SLC28A1: variants seen among roughly 807,000 people sequenced by gnomAD.
The protein encoded by SLC28A1 is solute carrier family 28 member 1.
In SLC28A1, 64 loss-of-function variants were observed where a neutral mutation model predicts 74.8. That is an observed-to-expected ratio of 0.86 (90% CI 0.70 to 1.05). The LOEUF (loss-of-function observed/expected upper bound fraction) is 1.05. Among genes scored for constraint, SLC28A1 ranks in the 50% least tolerant of loss-of-function variants. The pLI, the probability that SLC28A1 is intolerant of heterozygous loss-of-function variation, is 0.00. For synonymous variants in SLC28A1, 359 were observed against 335.0 expected, an observed-to-expected ratio of 1.07 and a Z score of -0.78; for missense variants, 828 against 822.8, an observed-to-expected ratio of 1.01 and a Z score of -0.08.
At position 84,894,954 on chromosome 15, in the gene SLC28A1, C is replaced by T. The variant is rs774099214; in HGVS notation, c.292C>T (p.Leu98=). 3.7e-6 allele frequency: 6 copies of T among 1,614,042 alleles called. No individual in the cohort carries two copies. The highest frequency in any genetic ancestry group is 3.3e-5 in the Admixed American group (2 of 59,998). ...TCATCCCCCAGGGCTCTCTGCCTTC[C>T]TGCTGGTGGCCTGCCTCCTGGATTT... ...GLLCTGLSAF[L]LVACLLDFQR... is the part of the protein sequence containing the mutation. The change falls in exon 6 of 19, where the codon CTG becomes TTG. Residue 98 remains leucine, a synonymous_variant. Transcript: ENST00000394573.
chr15:84,925,629 A>C (rs73439957), intron 12 of SLC28A1, among the ~76,000 whole-genome samples: 3,863 of 152,204 alleles, frequency 0.025, 156 homozygotes, highest in African/African-American at 0.088. Flanking sequence ...TGGGGGTGGA[A>C]CCAGCATACT....
rs1050112789 is a variant in SLC28A1 at position 84,908,770 on chromosome 15, T to C, written c.770T>C (p.Leu257Pro). ...AGSSFVFGEA[L>P]VKDVFAFQVL... ...TCCAGCTTCGTGTTTGGGGAGGCGC[T>C]GGTCAAGGATGTCTTTGCCTTTCAG... The change falls in exon 9 of 19, where the codon CTG (leucine) becomes CCG (proline). Residue 257 changes from leucine to proline, a missense_variant. Transcript: ENST00000394573. 1.2e-6 allele frequency: 2 copies of C among 1,613,892 alleles called. No individual in the cohort carries two copies. Among genetic ancestry groups the C allele is most frequent in the African/African-American group, 2.7e-5 (2 of 74,938 alleles).
Position 84,935,086 on chromosome 15 carries a change from C to T in SLC28A1, c.1275C>T (p.Val425=), listed in dbSNP as rs1270603538. 19 of 1,613,896 alleles carry T rather than the reference C, an allele frequency of 1.2e-5. No individual in the cohort carries two copies. The African/African-American group carries it at 1.3e-4, about 11-fold the overall frequency. Residue 425 remains valine (V), a synonymous_variant, in exon 14 of 19, where the codon GTC becomes GTT. Transcript: ENST00000394573. ...STGAAISVKV[V]ANIAANLIAF... is the part of the protein sequence containing the mutation. ...GGGCCGCCATCTCCGTGAAGGTGGT[C>T]GCCAACATCGCTGCCAACCTGATTG...
chr15:84,912,804 G>GTGCACACACACA (rs1289771401), intron 9 of SLC28A1, among the ~76,000 whole-genome samples: 1 of 58,656 alleles, frequency 1.7e-5, no homozygotes, highest in East Asian at 3.6e-4. Context: ...TTTTGCGCGC[G>GTGCACACACACA]CGCACACACA....
chr15:84,905,100 C>T (rs901841956), intron 7 of SLC28A1, among the ~76,000 whole-genome samples: 4 of 152,104 alleles, frequency 2.6e-5, no homozygotes, highest in Admixed American at 6.5e-5. Flanking sequence ...TGGAGAGAGT[C>T]GGGGTCGAGG....
At chr15:84,893,469 CTCAACTTA>C (rs1452927528) in intron 5 of SLC28A1, among the ~76,000 whole-genome samples, 1 of 152,208 alleles carries the variant, frequency 6.6e-6, no homozygotes, top group Non-Finnish European at 1.5e-5. Context: ...TTTTTTATAA[CTCAACTTA>C]TCTTCTCCCT....
intron 8 of SLC28A1, among the ~76,000 whole-genome samples, chr15:84,907,671 A>G (rs924816588): frequency 6.6e-6 from 1 of 152,146 alleles, no homozygotes; most frequent in Admixed American, 6.6e-5. Flanking sequence ...ACACCTGGCT[A>G]ATTTTTGTAT....
At chr15:84,927,188 A>G (rs1033215871) in intron 12 of SLC28A1, among the ~76,000 whole-genome samples, 4 of 152,018 alleles carry the variant, frequency 2.6e-5, no homozygotes, top group Non-Finnish European at 4.4e-5. Flanking sequence ...CCCACCACCA[A>G]TTGTTTTTGG....
chr15:84,895,870 CAG>C (rs141393672), intron 6 of SLC28A1: 37,325 of 1,059,280 alleles, frequency 0.035, 790 homozygotes, highest in African/African-American at 0.099. Context: ...AAGACTAAGT[CAG>C]GGGGATGCAG....
chr15:84,897,132 T>C (rs1169821495), intron 6 of SLC28A1, among the ~76,000 whole-genome samples: 1 of 151,668 alleles, frequency 6.6e-6, no homozygotes, highest in Non-Finnish European at 1.5e-5. Flanking sequence ...ATCCCAGCAC[T>C]TTGGGAGGCT....
the SLC28A1 span, among the ~76,000 whole-genome samples, chr15:84,968,309 G>T: frequency 6.6e-6 from 1 of 152,184 alleles, no homozygotes; most frequent in Admixed American, 6.5e-5. Context: ...GCCTGGTTTG[G>T]TGTGGCTTAG....
intron 9 of SLC28A1, among the ~76,000 whole-genome samples, chr15:84,915,822 C>T (rs1596296987): frequency 6.6e-6 from 1 of 152,122 alleles, no homozygotes; most frequent in Non-Finnish European, 1.5e-5. Flanking sequence ...TCCTCCTTCC[C>T]CTCTCACCCT....
At chr15:84,969,011 G>A in the SLC28A1 span, among the ~76,000 whole-genome samples, 877 of 152,274 alleles carry the variant, frequency 5.8e-3, 6 homozygotes, top group African/African-American at 0.018. Flanking sequence ...CCAAGAACAG[G>A]CACTGTGAAG....
downstream of SLC28A1, among the ~76,000 whole-genome samples, chr15:84,947,450 G>A (rs1220674909): frequency 2.0e-5 from 3 of 152,218 alleles, no homozygotes; most frequent in Admixed American, 1.3e-4. Context: ...TGTGGCCAGT[G>A]GCCTTCCCTA....
chr15:84,919,091 A>G (rs913480773), intron 10 of SLC28A1, among the ~76,000 whole-genome samples: 1 of 152,206 alleles, frequency 6.6e-6, no homozygotes, highest in Non-Finnish European at 1.5e-5. Context: ...GGTCCTTGCT[A>G]GAGGAAAGGT....
chr15:84,936,116 C>T (rs1395266356), intron 15 of SLC28A1, among the ~76,000 whole-genome samples: 3 of 151,128 alleles, frequency 2.0e-5, no homozygotes, highest in Admixed American at 6.6e-5. Flanking sequence ...CCACCGCGCC[C>T]GGCTAATTTT....
Position 84,904,183 on chromosome 15 carries a change from C to G in SLC28A1, c.548C>G (p.Ala183Gly). The G allele has an allele frequency of 6.2e-7, 1 of 1,614,206 alleles. No homozygotes were observed. Among genetic ancestry groups the G allele is most frequent in the South Asian group, 1.1e-5 (1 of 91,090 alleles). The change falls in exon 7 of 19, where the codon GCA becomes GGA. Residue 183 changes from alanine (A) to glycine (G), a missense_variant. Around this residue, in one of 3 missense-constraint regions of SLC28A1, gnomAD observed 767 missense variants for 753.5 expected, o/e 1.02. Coordinates refer to ENST00000394573, the MANE Select transcript of SLC28A1 (RefSeq NM_004213.5). ...CGGCCTGAGCAACTGGTGTCCTTCG[C>G]AGGAATCTGCGTGTTCGTCGCTCTC... ...SQRPEQLVSF[A>G]GICVFVALLF... is the part of the protein sequence containing the mutation.
chr15:84,910,074 A>G (rs1414871335), intron 9 of SLC28A1, among the ~76,000 whole-genome samples: 4 of 152,246 alleles, frequency 2.6e-5, no homozygotes, highest in African/African-American at 4.8e-5. Context: ...GAGCCTTAGC[A>G]TCTCTTGTGC....
intron 9 of SLC28A1, 105 bp from the exon 10 acceptor site, chr15:84,918,419 C>T: frequency 2.4e-6 from 2 of 832,314 alleles, no homozygotes; most frequent in South Asian, 2.7e-5. Context: ...ATCTGAGTGG[C>T]AAGGCCTGGG....
Sources: allele counts gnomAD v4.1 joint callset (sites outside exome capture counted in the v4.1 genomes callset), GRCh38; gene constraint gnomAD v4.1.1; regional missense constraint gnomAD v4.1.1; transcripts MANE v1.5; gene names NCBI Gene and HGNC (gene_info 2026-07-23, HGNC 2026-07-21).